GABBR2: variants seen among roughly 807,000 people sequenced by gnomAD.
GABBR2 encodes gamma-aminobutyric acid type B receptor subunit 2, also known as G-protein coupled receptor 51.
In GABBR2, 23 loss-of-function variants were observed where a neutral mutation model predicts 105.6. The ratio of observed to expected loss-of-function variants is 0.22; its 90% CI spans 0.16 to 0.31. The LOEUF (loss-of-function observed/expected upper bound fraction) is 0.31, where lower values mean the gene tolerates loss of function less well. Among genes scored for constraint, GABBR2 ranks in the 10% least tolerant of loss-of-function variants. GABBR2 has a pLI of 1.00. For synonymous variants in GABBR2, 478 were observed against 499.7 expected (o/e 0.96, Z 0.58); for missense variants, 734 against 1,245.5 (o/e 0.59, Z 6.18).
At chr9:98,579,234 G>A (rs934698574) in intron 1 of GABBR2, among the ~76,000 whole-genome samples, 4 of 152,232 alleles carry the variant, frequency 2.6e-5, no homozygotes, top group South Asian at 4.1e-4. Context: ...AGGGCTGGAC[G>A]TTGAGGAAAC....
At chr9:98,386,294 A>C (rs1832071567) in intron 10 of GABBR2, among the ~76,000 whole-genome samples, 1 of 147,318 alleles carries the variant, frequency 6.8e-6, no homozygotes, top group Non-Finnish European at 1.5e-5. Flanking sequence ...CACGTTCCCC[A>C]CAGTGAGGAG....
chr9:98,454,274 G>C lies in GABBR2; in HGVS notation c.1000-57C>G. 8.5e-7 allele frequency: 1 copy of C among 1,174,844 alleles called. No homozygotes were observed. The highest frequency in any genetic ancestry group is 1.3e-6 in the Non-Finnish European group (1 of 780,412). 72.8% of individuals were successfully genotyped at this position (1,174,844 alleles called of 1,614,324 possible). ...GTTATACTCGGCAGGGACATCAGGT[G>C]CCTGATGCCGAGAAGAGCTGCTATT... On this transcript the variant is annotated intron_variant, in intron 6 of 18. Coordinates refer to ENST00000259455, the MANE Select transcript of GABBR2 (RefSeq NM_005458.8). This position sits in a 1 kb window ranked among gnomAD's most constrained non-coding sequence, Gnocchi z 4.6.
At chr9:98,689,092 CCT>C (rs1484040067) in intron 1 of GABBR2, among the ~76,000 whole-genome samples, 3 of 152,154 alleles carry the variant, frequency 2.0e-5, no homozygotes, top group African/African-American at 7.2e-5. Flanking sequence ...GCAAGTCAAG[CCT>C]CTCTCCTTCT....
At chr9:98,702,842 A>G (rs994861615) in intron 1 of GABBR2, among the ~76,000 whole-genome samples, 2 of 151,914 alleles carry the variant, frequency 1.3e-5, no homozygotes, top group Non-Finnish European at 1.5e-5. Flanking sequence ...GCACTCCTCA[A>G]CTGCCTGCCT....
intron 1 of GABBR2, among the ~76,000 whole-genome samples, chr9:98,627,205 G>A (rs530476931): frequency 4.8e-4 from 73 of 152,188 alleles, no homozygotes; most frequent in African/African-American, 1.7e-3. Context: ...CAGCCCACCC[G>A]GACTCTGGGA....
intron 3 of GABBR2, among the ~76,000 whole-genome samples, chr9:98,519,258 C>G (rs753113463): frequency 4.1e-4 from 63 of 152,232 alleles, no homozygotes; most frequent in Admixed American, 4.1e-3. Context: ...ACAGGACACC[C>G]TATGCATCTG....
chr9:98,659,155 G>C (rs4743248), intron 1 of GABBR2, among the ~76,000 whole-genome samples: 107,338 of 152,072 alleles, frequency 0.71, 38,871 homozygotes, highest in Middle Eastern at 0.84. Context: ...CCACTAGGAA[G>C]CTCAGGGCCA....
intron 4 of GABBR2, among the ~76,000 whole-genome samples, chr9:98,490,559 T>C (rs1181448390): frequency 2.0e-5 from 3 of 152,220 alleles, no homozygotes; most frequent in Non-Finnish European, 4.4e-5. Context: ...ATATTTGGTC[T>C]CCAGAGCACC....
intron 7 of GABBR2, among the ~76,000 whole-genome samples, chr9:98,434,857 A>T (rs1408403566): frequency 6.6e-6 from 1 of 152,226 alleles, no homozygotes; most frequent in Non-Finnish European, 1.5e-5. Context: ...GAGGACCCTG[A>T]GATGCCTCCA....
At chr9:98,562,589 G>A (rs1040082621) in intron 2 of GABBR2, among the ~76,000 whole-genome samples, 15 of 152,262 alleles carry the variant, frequency 9.9e-5, no homozygotes, top group Admixed American at 2.0e-4. Context: ...CTGTGTGAGC[G>A]TGTGTGTGGG....
At chr9:98,428,172 A>G (rs1206656377) in intron 7 of GABBR2, among the ~76,000 whole-genome samples, 1 of 152,240 alleles carries the variant, frequency 6.6e-6, no homozygotes, top group Non-Finnish European at 1.5e-5. Flanking sequence ...TTTATTAAAA[A>G]CTACTCGCAG....
At chr9:98,439,941 C>T (rs1479351410) in intron 7 of GABBR2, among the ~76,000 whole-genome samples, 2 of 152,208 alleles carry the variant, frequency 1.3e-5, no homozygotes, top group East Asian at 3.8e-4. Flanking sequence ...AACTGGGGGG[C>T]TTGCCCAGTA....
chr9:98,682,655 C>T (rs534015641), intron 1 of GABBR2, among the ~76,000 whole-genome samples: 3 of 152,042 alleles, frequency 2.0e-5, no homozygotes, highest in East Asian at 3.9e-4. Context: ...GGATAACAGG[C>T]GTGAGCCACC....
chr9:98,428,217 G>A (rs1017293466), intron 7 of GABBR2, among the ~76,000 whole-genome samples: 1 of 152,166 alleles, frequency 6.6e-6, no homozygotes, highest in African/African-American at 2.4e-5. Flanking sequence ...GACAAGGGAA[G>A]GTGATGTGCC....
intron 13 of GABBR2, among the ~76,000 whole-genome samples, chr9:98,326,088 C>T (rs866058368): frequency 2.4e-4 from 36 of 152,232 alleles, no homozygotes; most frequent in South Asian, 2.1e-3. Flanking sequence ...AATGATCTCA[C>T]GACAAGTAAT....
At chr9:98,535,465 CAAAA>C (rs111401823) in intron 3 of GABBR2, among the ~76,000 whole-genome samples, 1 of 149,786 alleles carries the variant, frequency 6.7e-6, no homozygotes, top group African/African-American at 2.5e-5. Context: ...AAAAATAACA[CAAAA>C]AAAAACCCAA....
In GABBR2 at chr9:98,474,004, G is replaced by A. The variant is rs555122294; in HGVS notation, c.799-658C>T. ...TATATAAGATGCCACTTGGCAAACC[G>A]AGAAGTCGCTCTGAATCTTTATCCA... On this transcript the variant is annotated intron_variant, in intron 5 of 18. Transcript: ENST00000259455. Among the ~76,000 whole-genome samples the A allele has an allele frequency of 3.5e-4, 54 of 152,290 alleles. 2 individuals are homozygous for A. In the South Asian group the frequency reaches 0.01, roughly 29 times the overall value.
intron 11 of GABBR2, among the ~76,000 whole-genome samples, chr9:98,377,915 C>T (rs1190557101): frequency 6.6e-6 from 1 of 152,184 alleles, no homozygotes; most frequent in Middle Eastern, 3.2e-3. Flanking sequence ...AAGGCCACCA[C>T]CAAACCCTGT....
chr9:98,557,237 T>G (rs1828601575), intron 2 of GABBR2, among the ~76,000 whole-genome samples: 1 of 152,132 alleles, frequency 6.6e-6, no homozygotes, highest in East Asian at 1.9e-4. Flanking sequence ...AAGCAGGCTC[T>G]CCCTCACTCC....
Sources: gnomAD v4.1 joint callset for allele counts (sites outside exome capture counted in the v4.1 genomes callset) on GRCh38, gnomAD v4.1.1 for gene constraint, Gnocchi (gnomAD v3.1) non-coding constraint, MANE v1.5 for transcripts, NCBI Gene and HGNC (gene_info 2026-07-23, HGNC 2026-07-21) for gene names.